The following ZXDA variants were observed in gnomAD, a reference collection of about 807,000 sequenced individuals.
The protein encoded by ZXDA is zinc finger X-linked protein ZXDA.
A neutral mutation model predicts 10.1 loss-of-function variants in ZXDA; 5 were observed. That is an observed-to-expected ratio of 0.50 (90% CI 0.26 to 1.04). The LOEUF (loss-of-function observed/expected upper bound fraction) is 1.04, where lower values mean the gene tolerates loss of function less well. Among genes scored for constraint, ZXDA ranks in the 50% least tolerant of loss-of-function variants. The pLI, the probability that ZXDA is intolerant of heterozygous loss-of-function variation, is 0.14. For synonymous variants in ZXDA, 266 were observed against 313.1 expected, an observed-to-expected ratio of 0.85 and a Z score of 1.59; for missense variants, 501 against 672.4, an observed-to-expected ratio of 0.75 and a Z score of 2.82.
In ZXDA at chrX:57,910,164, T is replaced by TCGCCGC. The variant is rs764561465; in HGVS notation, c.251_256dup (p.Gly84_Gly85dup). Reference sequence around the variant, plus strand: ...GTCAAGCAGCACCAGGAAGAAGTCGTCGCCGCCGCCGCTAGGTTGATGGGG... The same window carrying TCGCCGC: ...GTCAAGCAGCACCAGGAAGAAGTCGTCGCCGCCGCCGCCGCCGCTAGGTTGATGGGG... On this transcript the variant is annotated inframe_insertion, in exon 1 of 1. Transcript: ENST00000358697. 4 of 1,201,227 alleles carry TCGCCGC rather than the reference T, an allele frequency of 3.3e-6. No individual in the cohort carries two copies. The highest frequency in any genetic ancestry group is 4.5e-6 in the Non-Finnish European group (4 of 893,425).
At position 57,906,375 on chromosome X, in the gene ZXDA, C is replaced by T. The variant is rs1485708780; in HGVS notation, c.*1646G>A. On this transcript the variant is annotated 3_prime_UTR_variant, in exon 1 of 1. Coordinates refer to ENST00000358697, the MANE Select transcript of ZXDA (RefSeq NM_007156.5). ...GCCATCTAAATCCAGAAAATTACTT[C>T]TCAATGTACACACATACTTGCAGTA... 2.7e-5 allele frequency among the ~76,000 whole-genome samples: 3 copies of T among 112,074 alleles called. No individual in the cohort carries two copies. The highest frequency in any genetic ancestry group is 9.7e-5 in the African/African-American group (3 of 30,832).
rs756580661 is a variant in ZXDA, at chrX:57,908,079, T to C, written c.2342A>G (p.His781Arg). Residue 781 changes from histidine to arginine, a missense_variant, in exon 1 of 1, where the codon CAT becomes CGT. His to Arg is a conservative substitution (Grantham distance 29, BLOSUM62 0). This residue lies in a region of ZXDA where 46 missense variants were observed against 54.1 expected (regional missense o/e 0.85). Coordinates refer to ENST00000358697, the MANE Select transcript of ZXDA (RefSeq NM_007156.5). ...AAGATTTCTTTCTTTCTGAGAACCATGGTTTCCTGCTGCATTGGGGAATCC... is the reference window on the plus strand; with the variant it reads ...AAGATTTCTTTCTTTCTGAGAACCACGGTTTCCTGCTGCATTGGGGAATCC... Reference protein sequence around the residue: ...QFGFPNAAGNHGSQKERNLIT... With the variant: ...QFGFPNAAGNRGSQKERNLIT... 4 of 1,211,482 alleles carry C rather than the reference T, an allele frequency of 3.3e-6. No homozygotes were observed. In the Admixed American group the frequency reaches 8.7e-5, roughly 26 times the overall value.
At position 57,908,381 on chromosome X, in the gene ZXDA, C is replaced by G; in HGVS notation, c.2040G>C (p.Ala680=). ...AGGAGCTCTGCTGAAAACCAGTGGC[C>G]GCCGTTCCAAAAAAGAGAGAGGTAT... ...SLDTSLFFGT[A]ATGFQQSSLN... is the part of the protein sequence containing the mutation. The change falls in exon 1 of 1, where the codon GCG becomes GCC. Residue 680 remains alanine (A), a synonymous_variant. Coordinates refer to ENST00000358697, the MANE Select transcript of ZXDA (RefSeq NM_007156.5). 1 of 1,162,863 alleles carries G rather than the reference C, an allele frequency of 8.6e-7. No homozygotes were observed. Among genetic ancestry groups the G allele is most frequent in the Non-Finnish European group, 1.2e-6 (1 of 868,964 alleles).
At position 57,906,028 on chromosome X, in the gene ZXDA, G is replaced by A. The variant is rs1475644762; in HGVS notation, c.*1993C>T. On this transcript the variant is annotated 3_prime_UTR_variant, in exon 1 of 1. Transcript: ENST00000358697. ...CTAAGGGAGAACTGTTAAATGGTTA[G>A]ACACAAAATTCTATTTCTTTGAATT... Among the ~76,000 whole-genome samples, 1 of 112,192 alleles carries A rather than the reference G, an allele frequency of 8.9e-6. No individual in the cohort carries two copies. The highest frequency in any genetic ancestry group is 3.2e-5 in the African/African-American group (1 of 30,897).
rs139224017 is a variant in ZXDA, at chrX:57,907,858, C to G, written c.*163G>C. 618 of 634,394 alleles carry G rather than the reference C, an allele frequency of 9.7e-4. 1 individual carries two copies. The highest frequency in any genetic ancestry group is 9.3e-3 in the African/African-American group (409 of 44,109). The allele number at this position is 634,394 out of a possible 1,213,427, so 52.3% of individuals were successfully genotyped here. On this transcript the variant is annotated 3_prime_UTR_variant, in exon 1 of 1. Transcript: ENST00000358697. ...CTGAGGGTCACACAACTTGTCAGTT[C>G]CAGACTCAAGATCAGAATTTAGATC...
rs1356575686 is a variant in ZXDA, at chrX:57,909,483, G to A, written c.938C>T (p.Thr313Ile). The change falls in exon 1 of 1, where the codon ACC becomes ATC. Residue 313 changes from threonine (T) to isoleucine (I), a missense_variant. Physicochemically the swap from Thr to Ile is moderately conservative, Grantham distance 89. Coordinates refer to ENST00000358697, the MANE Select transcript of ZXDA (RefSeq NM_007156.5). ...CAGGTGCCTCTTGAGCTTGTAAGAG[G>A]TGGTGAAGGTCCAGCCGCAGCCACC... is the stretch of plus-strand genomic sequence containing the variant. ...PLGGCGWTFTTSYKLKRHLQS... is the reference protein window; with the variant it reads ...PLGGCGWTFTISYKLKRHLQS... The A allele has an allele frequency of 8.3e-7, 1 of 1,211,566 alleles. No individual in the cohort carries two copies. Among genetic ancestry groups the A allele is most frequent in the Admixed American group, 2.2e-5 (1 of 46,113 alleles).
Position 57,909,713 on chromosome X carries a change from C to CGCGGGTTCT in ZXDA, c.699_707dup (p.Glu234_Ala236dup). On this transcript the variant is annotated inframe_insertion, in exon 1 of 1. Coordinates refer to ENST00000358697, the MANE Select transcript of ZXDA (RefSeq NM_007156.5). ...CCTCCTCCTGGGGCGCCGGAGCAGG[C>CGCGGGTTCT]GCGGGTTCTGCGGGCTCGGCTAGCA... 1 of 1,182,053 alleles carries CGCGGGTTCT rather than the reference C, an allele frequency of 8.5e-7. No individual in the cohort carries two copies. Among genetic ancestry groups the CGCGGGTTCT allele is most frequent in the Non-Finnish European group, 1.1e-6 (1 of 881,407 alleles).
rs762061085 is a variant in ZXDA at position 57,909,702 on chromosome X, G to T, written c.719C>A (p.Ala240Glu). 13 of 1,177,176 alleles carry T rather than the reference G, an allele frequency of 1.1e-5. No homozygotes were observed. Among genetic ancestry groups the T allele is most frequent in the South Asian group, 1.9e-5 (1 of 53,359 alleles). Residue 240 changes from alanine to glutamate, a missense_variant, in exon 1 of 1, where the codon GCG (alanine) becomes GAG (glutamate). Physicochemically the swap from Ala to Glu is moderately radical, Grantham distance 107. Coordinates refer to ENST00000358697, the MANE Select transcript of ZXDA (RefSeq NM_007156.5). ...AEPAEPAPAP[A>E]PQEEAEGLAA... is the part of the protein sequence containing the mutation. The stretch of plus-strand genomic sequence containing the variant: ...CAGGCCCTCCGCCTCCTCCTGGGGC[G>T]CCGGAGCAGGCGCGGGTTCTGCGGG...
rs1279526687 is a variant in ZXDA at position 57,909,284 on chromosome X, C to A, written c.1137G>T (p.Gln379His). 1 of 1,210,562 alleles carries A rather than the reference C, an allele frequency of 8.3e-7. No homozygotes were observed. The highest frequency in any genetic ancestry group is 1.7e-5 in the African/African-American group (1 of 57,321). The change falls in exon 1 of 1, where the codon CAG becomes CAT. Residue 379 changes from glutamine (Q) to histidine (H), a missense_variant. Physicochemically the swap from Gln to His is conservative, Grantham distance 24. Around this residue, in one of 5 missense-constraint regions of ZXDA, gnomAD observed 171 missense variants for 262.7 expected, o/e 0.65. Transcript: ENST00000358697. ...GCCTCTCGGGTTCGAAGTGGCTGCG[C>A]TGGTGGGCGCCGAGTTTGGCCTGCG... ...FPTQAKLGAH[Q>H]RSHFEPERPY...
Position 57,908,237 on chromosome X carries a change from C to T in ZXDA, c.2184G>A (p.Val728=). 1.1e-5 allele frequency: 13 copies of T among 1,211,372 alleles called. No individual in the cohort carries two copies. Among genetic ancestry groups the T allele is most frequent in the Non-Finnish European group, 1.5e-5 (13 of 895,493 alleles). Residue 728 remains valine, a synonymous_variant, in exon 1 of 1, where the codon GTG becomes GTA. Transcript: ENST00000358697. ...TCGAAGGAGTCAGAGTATCTGTGTC[C>T]ACTGTTAGCTTACTGCTGGGTGTCA... ...QALTPSSKLT[V]DTDTLTPSST...
chrX:57,910,013 A>C lies in ZXDA; in HGVS notation c.408T>G (p.Ser136=). ...CGGACAGGCAGTGGGGGCCCTGCGC[A>C]GAGCAGCCCGCGGGGTTCGCGCCGC... ...DESGANPAGC[S]AQGPHCLSAV... Residue 136 remains serine (S), a synonymous_variant, in exon 1 of 1, where the codon TCT becomes TCG. Coordinates refer to ENST00000358697, the MANE Select transcript of ZXDA (RefSeq NM_007156.5). 6.5e-6 allele frequency: 7 copies of C among 1,072,335 alleles called. 1 individual carries two copies. The highest frequency in any genetic ancestry group is 2.3e-5 in the South Asian group (1 of 43,161). The allele number at this position is 1,072,335 out of a possible 1,213,427, so 88.4% of individuals were successfully genotyped here.
At position 57,910,246 on chromosome X, in the gene ZXDA, G is replaced by C. The variant is rs1341910141; in HGVS notation, c.175C>G (p.Arg59Gly). Residue 59 changes from arginine (R) to glycine (G), a missense_variant, in exon 1 of 1, where the codon CGC (arginine) becomes GGC (glycine). This residue lies in a region of ZXDA where 251 missense variants were observed against 221.6 expected (regional missense o/e 1.13). Transcript: ENST00000358697. ...GPQDGGPGRR[R>G]EEASTASRGP... ...CGTGATGCCGTGCTGGCCTCCTCGC[G>C]CCGCCGCCCGGGCCCGCCATCTTGG... 30 of 1,131,401 alleles carry C rather than the reference G, an allele frequency of 2.7e-5. No individual in the cohort carries two copies. The highest frequency in any genetic ancestry group is 1.2e-4 in the Admixed American group (4 of 34,140). The allele number at this position is 1,131,401 out of a possible 1,213,427, so 93.2% of individuals were successfully genotyped here.
Position 57,908,795 on chromosome X carries a change from T to C in ZXDA, c.1626A>G (p.Lys542=). The C allele has an allele frequency of 8.3e-7, 1 of 1,207,161 alleles. No individual in the cohort carries two copies. ...KKHLQDVDTW[K]SRCPISSCNK... ...TACAAGAGGAGATCGGGCAACGGCTTTTCCAAGTGTCCACATCCTGCAGGT... is the reference window on the plus strand; with the variant it reads ...TACAAGAGGAGATCGGGCAACGGCTCTTCCAAGTGTCCACATCCTGCAGGT... The change falls in exon 1 of 1, where the codon AAA becomes AAG. Residue 542 remains lysine (K), a synonymous_variant. Transcript: ENST00000358697.
chrX:57,909,100 G>C lies in ZXDA; in HGVS notation c.1321C>G (p.Leu441Val). 8.3e-7 allele frequency: 1 copy of C among 1,211,818 alleles called. No individual in the cohort carries two copies. Among genetic ancestry groups the C allele is most frequent in the Non-Finnish European group, 1.1e-6 (1 of 895,497 alleles). The change falls in exon 1 of 1, where the codon CTG becomes GTG. Residue 441 changes from leucine (L) to valine (V), a missense_variant. By Grantham distance (32) the Leu-to-Val change is conservative (BLOSUM62 1). Transcript: ENST00000358697. ...YDKACRLKIH[L>V]RSHTGERPFL... ...GGTCTCTCGCCGGTGTGACTCCGCA[G>C]GTGAATTTTCAGCCTACAAGCCTTG...
rs904348747 is a variant in ZXDA at position 57,907,576 on chromosome X, T to C, written c.*445A>G. ...GAGCTCTATCATTAGATTTTCGTAC[T>C]GTGTAAAATTTCCATTAAATTTTTA... is the stretch of plus-strand genomic sequence containing the variant. On this transcript the variant is annotated 3_prime_UTR_variant, in exon 1 of 1. Transcript: ENST00000358697. 1 of 113,924 alleles carries C rather than the reference T, an allele frequency of 8.8e-6. No individual in the cohort carries two copies. The highest frequency in any genetic ancestry group is 9.3e-5 in the Admixed American group (1 of 10,748). 9.4% of individuals were successfully genotyped at this position (113,924 alleles called of 1,213,427 possible). A position where few individuals can be genotyped will look rare whatever the true frequency, so the allele number is the denominator to read the frequency against.
Position 57,908,135 on chromosome X carries a change from G to C in ZXDA, c.2286C>G (p.Asp762Glu), listed in dbSNP as rs1321664219. Reference sequence around the variant, plus strand: ...GGGTTTCTCCCTCCTGTCCAAAGAAGTCAGAGTTAGGATGTACGCTCCACT... The same window carrying C: ...GGGTTTCTCCCTCCTGTCCAAAGAACTCAGAGTTAGGATGTACGCTCCACT... Reference protein sequence around the residue: ...KAEWSVHPNSDFFGQEGETQF... With the variant: ...KAEWSVHPNSEFFGQEGETQF... The change falls in exon 1 of 1, where the codon GAC becomes GAG. Residue 762 changes from aspartate to glutamate, a missense_variant. By Grantham distance (45) the Asp-to-Glu change is conservative (BLOSUM62 2). Coordinates refer to ENST00000358697, the MANE Select transcript of ZXDA (RefSeq NM_007156.5). 5 of 1,212,064 alleles carry C rather than the reference G, an allele frequency of 4.1e-6. No homozygotes were observed. The African/African-American group carries it at 6.9e-5, about 17-fold the overall frequency.
At position 57,909,745 on chromosome X, in the gene ZXDA, C is replaced by T. The variant is rs914494416; in HGVS notation, c.676G>A (p.Asp226Asn). Reference protein sequence around the residue: ...HPGDCPELRSDLLLAEPAEPA... With the variant: ...HPGDCPELRSNLLLAEPAEPA... ...TCTGCGGGCTCGGCTAGCAGGAGGT[C>T]GGACCGCAGCTCTGGGCAGTCACCC... is the stretch of plus-strand genomic sequence containing the variant. Residue 226 changes from aspartate (D) to asparagine (N), a missense_variant, in exon 1 of 1, where the codon GAC (aspartate) becomes AAC (asparagine). Asp to Asn is a conservative substitution (Grantham distance 23). Around this residue, in one of 5 missense-constraint regions of ZXDA, gnomAD observed 251 missense variants for 221.6 expected, o/e 1.13. Transcript: ENST00000358697. The T allele has an allele frequency of 3.4e-6, 4 of 1,188,972 alleles. No individual in the cohort carries two copies. In the African/African-American group the frequency reaches 5.3e-5, roughly 16 times the overall value.
At position 57,906,656 on chromosome X, in the gene ZXDA, CTA is replaced by C. The variant is rs1491168034; in HGVS notation, c.*1363_*1364del. 11 of 85,347 alleles carry C rather than the reference CTA, an allele frequency of 1.3e-4. No individual in the cohort carries two copies. The highest frequency in any genetic ancestry group is 5.0e-4 in the African/African-American group (10 of 19,876). 7.0% of individuals were successfully genotyped at this position (85,347 alleles called of 1,213,427 possible). A position where few individuals can be genotyped will look rare whatever the true frequency, so the allele number is the denominator to read the frequency against. ...GGAAATATTTCCTCTTTGTTTTGAG[CTA>C]CACACACACACACACACACACACAC... is the stretch of plus-strand genomic sequence containing the variant. On this transcript the variant is annotated 3_prime_UTR_variant, in exon 1 of 1. Coordinates refer to ENST00000358697, the MANE Select transcript of ZXDA (RefSeq NM_007156.5).
In ZXDA at chrX:57,907,959, A is replaced by T; in HGVS notation, c.*62T>A. Reference sequence around the variant, plus strand: ...GACTGCACTTAAATATTTAGTCCAGAATATCCTCAAAATTGACTGTAATAA... The same window carrying T: ...GACTGCACTTAAATATTTAGTCCAGTATATCCTCAAAATTGACTGTAATAA... On this transcript the variant is annotated 3_prime_UTR_variant, in exon 1 of 1. Transcript: ENST00000358697. 9 of 1,149,082 alleles carry T rather than the reference A, an allele frequency of 7.8e-6. No individual in the cohort carries two copies. The highest frequency in any genetic ancestry group is 1.0e-5 in the Non-Finnish European group (9 of 861,905). 94.7% of individuals were successfully genotyped at this position (1,149,082 alleles called of 1,213,427 possible).
Sources: gnomAD v4.1 joint callset for allele counts (sites outside exome capture counted in the v4.1 genomes callset) on GRCh38, gnomAD v4.1.1 for gene constraint, gnomAD v4.1.1 regional missense constraint, MANE v1.5 for transcripts, NCBI Gene and HGNC (gene_info 2026-07-23, HGNC 2026-07-21) for gene names.